Variants in DDX31 observed in about 807,000 individuals in gnomAD.
DDX31 encodes ATP-dependent DNA helicase DDX31.
Under a neutral mutation model 91.3 loss-of-function variants are expected in DDX31, and 70 were observed. The observed-to-expected ratio is 0.77, with a 90% CI of 0.63 to 0.94. The LOEUF (loss-of-function observed/expected upper bound fraction) is 0.94. DDX31 is among the 40% of genes least tolerant of loss of function. The pLI is 0.00. For synonymous variants in DDX31, 362 were observed against 350.6 expected, an observed-to-expected ratio of 1.03 and a Z score of -0.36; for missense variants, 902 against 925.0, an observed-to-expected ratio of 0.98 and a Z score of 0.32.
At chr9:132,667,531 A>G (rs1835393751) in intron 1 of DDX31, among the ~76,000 whole-genome samples, 1 of 152,138 alleles carries the variant, frequency 6.6e-6, no homozygotes, top group Non-Finnish European at 1.5e-5. Context: ...TGAACTCAGG[A>G]GGCAGAGCTT....
chr9:132,612,341 A>G (rs751564129), intron 18 of DDX31, 86 bp from the exon 19 acceptor site: 2 of 1,501,256 alleles, frequency 1.3e-6, no homozygotes, highest in Admixed American at 3.7e-5. Flanking sequence ...TATCTTCTGT[A>G]CTTTATCTTG....
chr9:132,599,785 A>G (rs1418398990), intron 19 of DDX31, among the ~76,000 whole-genome samples: 1 of 152,230 alleles, frequency 6.6e-6, no homozygotes, highest in African/African-American at 2.4e-5. Context: ...TCTAATCTGA[A>G]CGAGGCTGCT....
At chr9:132,665,637 AT>A (rs1325780962) in intron 1 of DDX31, among the ~76,000 whole-genome samples, 5 of 152,192 alleles carry the variant, frequency 3.3e-5, no homozygotes, top group Non-Finnish European at 7.3e-5. Flanking sequence ...CTACTAAAAA[AT>A]TCGTTTGAGT....
In DDX31 at chr9:132,595,954, T is replaced by C. The variant is rs1004206177; in HGVS notation, c.1995-842A>G. ...CAATCATACATAAGAAGAATGATTATGAAAACTGAAGAGTAAAACAATGTT... is the reference window on the plus strand; with the variant it reads ...CAATCATACATAAGAAGAATGATTACGAAAACTGAAGAGTAAAACAATGTT... On this transcript the variant is annotated intron_variant, in intron 19 of 19. Transcript: ENST00000372159. The surrounding 1 kb of genome is among the most constrained non-coding windows in gnomAD (Gnocchi z 4.6). 1.3e-5 allele frequency among the ~76,000 whole-genome samples: 2 copies of C among 152,256 alleles called. No homozygotes were observed. Among genetic ancestry groups the C allele is most frequent in the African/African-American group, 4.8e-5 (2 of 41,462 alleles).
At chr9:132,600,615 T>C (rs1409527219) in intron 19 of DDX31, among the ~76,000 whole-genome samples, 1 of 152,106 alleles carries the variant, frequency 6.6e-6, no homozygotes, top group African/African-American at 2.4e-5. Context: ...AGAGATCATA[T>C]TTAGATATGG....
chr9:132,633,127 G>A (rs541340543), intron 14 of DDX31, among the ~76,000 whole-genome samples: 7 of 152,328 alleles, frequency 4.6e-5, no homozygotes, highest in Admixed American at 3.9e-4. Flanking sequence ...AAAGTTAAGA[G>A]AGATAAAGTA....
intron 8 of DDX31, 51 bp from the exon 9 acceptor site, chr9:132,650,349 T>A (rs1834110652): frequency 1.3e-6 from 2 of 1,551,422 alleles, no homozygotes; most frequent in Non-Finnish European, 8.9e-7. Flanking sequence ...TTTACTAACA[T>A]CAGACATTGA....
At chr9:132,619,604 T>C (rs1831878939) in intron 17 of DDX31, among the ~76,000 whole-genome samples, 1 of 152,114 alleles carries the variant, frequency 6.6e-6, no homozygotes, top group Non-Finnish European at 1.5e-5. Context: ...AACGTGAAAA[T>C]GTTTTTAGTT....
chr9:132,632,276 A>ACACACACACACACACACG (rs1832829398), intron 14 of DDX31, among the ~76,000 whole-genome samples, 185 bp from the exon 15 acceptor site: 2 of 148,150 alleles, frequency 1.3e-5, no homozygotes, highest in Admixed American at 1.3e-4. Flanking sequence ...ACACACACAC[A>ACACACACACACACACACG]CACACACACA....
At chr9:132,601,920 C>CTGTTA (rs1830743768) in intron 19 of DDX31, among the ~76,000 whole-genome samples, 1 of 152,182 alleles carries the variant, frequency 6.6e-6, no homozygotes, top group Non-Finnish European at 1.5e-5. Flanking sequence ...AGCACACAGC[C>CTGTTA]TGTTAGGAAA....
chr9:132,630,478 C>A (rs1832656399), intron 15 of DDX31, 75 bp from the exon 16 acceptor site: 1 of 1,402,416 alleles, frequency 7.1e-7, no homozygotes, highest in African/African-American at 1.4e-5. Context: ...ATACTCCTCA[C>A]CTGCCTCCAG....
chr9:132,655,227 T>A (rs1204180843), intron 6 of DDX31, among the ~76,000 whole-genome samples: 1 of 151,958 alleles, frequency 6.6e-6, no homozygotes, highest in Non-Finnish European at 1.5e-5. Context: ...ATAATATAAA[T>A]TCCACCAACC....
rs1343672685 is a variant in DDX31 at position 132,594,983 on chromosome 9, G to A, written c.2124C>T (p.Gly708=). 42 of 1,614,026 alleles carry A rather than the reference G, an allele frequency of 2.6e-5. No homozygotes were observed. The South Asian group carries it at 3.6e-4, about 14-fold the overall frequency. The stretch of plus-strand genomic sequence containing the variant: ...GCTGCAGACTGTGCTGCAGGGGCCG[G>A]CCACCAGGCTCTCCAGGTGCGTTTT... The part of the protein sequence containing the change: ...KKQNAPGEPG[G]RPLQHSLQPT... The change falls in exon 20 of 20, where the codon GGC becomes GGT. Residue 708 remains glycine, a synonymous_variant. Transcript: ENST00000372159.
intron 16 of DDX31, among the ~76,000 whole-genome samples, chr9:132,629,413 A>G (rs1219111975): frequency 1.3e-5 from 2 of 151,624 alleles, no homozygotes; most frequent in Non-Finnish European, 2.9e-5. Flanking sequence ...AGAGTTTTGA[A>G]AAGTCTTACT....
chr9:132,625,638 C>A (rs764620078), intron 17 of DDX31, 26 bp downstream of exon 17: 1 of 1,586,970 alleles, frequency 6.3e-7, no homozygotes, highest in African/African-American at 1.3e-5. Context: ...CTGTTGGCAG[C>A]GAGCACAATA....
chr9:132,598,942 C>G (rs1469317850), intron 19 of DDX31, among the ~76,000 whole-genome samples: 2 of 152,224 alleles, frequency 1.3e-5, no homozygotes, highest in African/African-American at 2.4e-5. Flanking sequence ...CCACAACGGT[C>G]ACTGAACAGT....
chr9:132,618,294 C>G, intron 18 of DDX31, 36 bp downstream of exon 18: 1 of 1,576,356 alleles, frequency 6.3e-7, no homozygotes, highest in Non-Finnish European at 8.7e-7. Context: ...CTCTGCTGGG[C>G]TATCCACTGC....
chr9:132,668,817 C>G (rs1439614441), intron 1 of DDX31, among the ~76,000 whole-genome samples: 1 of 152,190 alleles, frequency 6.6e-6, no homozygotes, highest in East Asian at 1.9e-4. Context: ...ATCCGCCTGC[C>G]TCGGCCTCCC....
chr9:132,663,093 GA>G (rs1256141049), intron 1 of DDX31: 6 of 1,074,068 alleles, frequency 5.6e-6, no homozygotes, highest in Non-Finnish European at 2.5e-6. Context: ...CACCCAAGGA[GA>G]AAAGAGGGGT....
Sources: gnomAD v4.1 joint callset for allele counts (sites outside exome capture counted in the v4.1 genomes callset) on GRCh38, gnomAD v4.1.1 for gene constraint, Gnocchi (gnomAD v3.1) non-coding constraint, MANE v1.5 for transcripts, NCBI Gene and HGNC (gene_info 2026-07-23, HGNC 2026-07-21) for gene names.